Variants in PARP8 observed in about 807,000 individuals in gnomAD.
The protein encoded by PARP8 is protein mono-ADP-ribosyltransferase PARP8.
PARP8 carries 51 observed loss-of-function variants against 124.1 expected under a neutral mutation model. That is an observed-to-expected ratio of 0.41 (90% CI 0.33 to 0.52). The LOEUF (loss-of-function observed/expected upper bound fraction) is 0.52, where lower values mean the gene tolerates loss of function less well. Among genes scored for constraint, PARP8 ranks in the 20% least tolerant of loss-of-function variants. The pLI, the probability that PARP8 is intolerant of heterozygous loss-of-function variation, is 0.21. For missense variants in PARP8, 860 were observed against 1,018.9 expected, an observed-to-expected ratio of 0.84 and a Z score of 2.12; for synonymous variants, 391 against 361.5, an observed-to-expected ratio of 1.08 and a Z score of -0.93.
rs767690474 is a variant in PARP8 at position 50,667,174 on chromosome 5, T to C, written c.79T>C (p.Cys27Arg). 30 of 1,596,384 alleles carry C rather than the reference T, an allele frequency of 1.9e-5. No homozygotes were observed. The highest frequency in any genetic ancestry group is 4.5e-4 in the Middle Eastern group (2 of 4,428). Residue 27 changes from cysteine (C) to arginine (R), a missense_variant, in exon 1 of 26, where the codon TGC becomes CGC. By Grantham distance (180) the Cys-to-Arg change is radical. Transcript: ENST00000281631. Reference protein sequence around the residue: ...VIQKSRAEKDCLFADFRYSDS... With the variant: ...VIQKSRAEKDRLFADFRYSDS... ...CCAGAAGTCCAGAGCTGAGAAGGAC[T>C]GCCTGTTTGCAGGTGAGTTCTTGCT...
rs576343923 is a variant in PARP8, at chr5:50,689,659, C to T, written c.146+21534C>T. Among the ~76,000 whole-genome samples, 30 of 152,248 alleles carry T rather than the reference C, an allele frequency of 2.0e-4. No homozygotes were observed. In the South Asian group the frequency reaches 2.5e-3, roughly 13 times the overall value. ...AGGAGTGAAAGGAATATTTGGGGAA[C>T]GTTATCACCCATGCTGTATTTTTCT... On this transcript the variant is annotated intron_variant, in intron 2 of 25. Coordinates refer to ENST00000281631, the MANE Select transcript of PARP8 (RefSeq NM_024615.4).
intron 2 of PARP8, among the ~76,000 whole-genome samples, chr5:50,745,214 G>A (rs1758421734): frequency 6.6e-6 from 1 of 152,188 alleles, no homozygotes; most frequent in Non-Finnish European, 1.5e-5. Context: ...CTAATATCAT[G>A]AGGACAATAC....
chr5:50,815,412 G>T lies in PARP8; in HGVS notation c.1576-20G>T. The stretch of plus-strand genomic sequence containing the variant: ...AGAGTTGGAAAAAAGTTTTGTGATT[G>T]ATTCCTTTTTCTTTTGTAGCCTACC... On this transcript the variant is annotated intron_variant, in intron 14 of 25. Coordinates refer to ENST00000281631, the MANE Select transcript of PARP8 (RefSeq NM_024615.4). The T allele has an allele frequency of 6.5e-7, 1 of 1,530,804 alleles. No individual in the cohort carries two copies. Among genetic ancestry groups the T allele is most frequent in the South Asian group, 1.3e-5 (1 of 79,842 alleles). 94.8% of individuals were successfully genotyped at this position (1,530,804 alleles called of 1,614,324 possible).
intron 22 of PARP8, 51 bp from the exon 23 acceptor site, chr5:50,832,730 G>C (rs774887153): frequency 3.2e-6 from 5 of 1,570,382 alleles, no homozygotes; most frequent in Admixed American, 1.7e-5. Context: ...TGTACTTTCA[G>C]CTGCATCAGA....
chr5:50,835,184 TA>T (rs1747429890), intron 25 of PARP8, among the ~76,000 whole-genome samples, 169 bp downstream of exon 25: 1 of 152,174 alleles, frequency 6.6e-6, no homozygotes, highest in Non-Finnish European at 1.5e-5. Context: ...AAAATCTAAA[TA>T]ATTTTTAAAT....
At chr5:50,689,032 ATTT>A (rs67863550) in intron 2 of PARP8, among the ~76,000 whole-genome samples, 1,765 of 111,260 alleles carry the variant, frequency 0.016, 47 homozygotes, top group African/African-American at 0.053. Flanking sequence ...TTTTTTTTTG[ATTT>A]TTTTTTTTTT....
At position 50,794,964 on chromosome 5, in the gene PARP8, AGTCAAGACTGATGATGTGTGT is replaced by A. The variant is rs1337824351; in HGVS notation, c.980_1000del (p.Lys327_Val333del). 6.2e-7 allele frequency: 1 copy of A among 1,614,234 alleles called. No homozygotes were observed. The highest frequency in any genetic ancestry group is 8.5e-7 in the Non-Finnish European group (1 of 1,180,036). On this transcript the variant is annotated inframe_deletion, in exon 12 of 26. Transcript: ENST00000281631. ...TGCTGCGGAGGACTTGTTCCAGCACAGTCAAGACTGATGATGTGTGTGTCACAAAGTCACACAGGACCTTTG... is the reference window on the plus strand; with the variant it reads ...TGCTGCGGAGGACTTGTTCCAGCACAGTCACAAAGTCACACAGGACCTTTG...
chr5:50,666,916 C>CCTA lies in PARP8; in HGVS notation c.-178_-177insACT, dbSNP rs1749347423. 3 of 1,343,198 alleles carry CCTA rather than the reference C, an allele frequency of 2.2e-6. No homozygotes were observed. Among genetic ancestry groups the CCTA allele is most frequent in the African/African-American group, 1.5e-5 (1 of 65,954 alleles). The allele number at this position is 1,343,198 out of a possible 1,614,324, so 83.2% of individuals were successfully genotyped here. ...AAGCCGACCTCCCCCTCCTCCTCCT[C>CCTA]CTCCCCCTCCTCCTCCTCCTCTTCT... On this transcript the variant is annotated 5_prime_UTR_variant, in exon 1 of 26. Transcript: ENST00000281631.
chr5:50,671,180 T>C (rs1749962675), intron 2 of PARP8, among the ~76,000 whole-genome samples: 2 of 152,352 alleles, frequency 1.3e-5, no homozygotes, highest in South Asian at 4.1e-4. Flanking sequence ...CTTCTGTCTC[T>C]TTCTGTTTTA....
chr5:50,805,638 A>T (rs1290611416), intron 14 of PARP8, among the ~76,000 whole-genome samples: 3 of 143,484 alleles, frequency 2.1e-5, no homozygotes, highest in African/African-American at 8.6e-5. Context: ...TGAAAAGATA[A>T]AACACAAAAC....
intron 14 of PARP8, among the ~76,000 whole-genome samples, chr5:50,812,289 C>A (rs903004852): frequency 2.6e-5 from 4 of 152,190 alleles, no homozygotes; most frequent in African/African-American, 9.6e-5. Flanking sequence ...GCCATTCCAA[C>A]TGGTGTGAGA....
chr5:50,834,071 C>T lies in PARP8; in HGVS notation c.2377+23C>T, dbSNP rs760659826. On this transcript the variant is annotated intron_variant, in intron 24 of 25. Coordinates refer to ENST00000281631, the MANE Select transcript of PARP8 (RefSeq NM_024615.4). ...AAGGTAAGTTGAAAGTTTTACAAAC[C>T]TCATAGTGTTAGTTCCTAGCTCATC... is the stretch of plus-strand genomic sequence containing the variant. 11 of 1,571,092 alleles carry T rather than the reference C, an allele frequency of 7.0e-6. No individual in the cohort carries two copies. The East Asian group carries it at 1.3e-4, about 19-fold the overall frequency.
intron 2 of PARP8, among the ~76,000 whole-genome samples, chr5:50,703,063 G>T (rs1471747690): frequency 6.6e-6 from 1 of 152,124 alleles, no homozygotes; most frequent in Non-Finnish European, 1.5e-5. Context: ...CACTTTGGGA[G>T]GCTGAGGCGG....
At chr5:50,818,054 TTCAG>T (rs1344330669) in intron 15 of PARP8, among the ~76,000 whole-genome samples, 5 of 152,158 alleles carry the variant, frequency 3.3e-5, no homozygotes, top group African/African-American at 7.2e-5. Flanking sequence ...ATTTGTATCA[TTCAG>T]TCAAAGAAGG....
chr5:50,790,232 TATTATATA>T (rs1741793320), intron 10 of PARP8, among the ~76,000 whole-genome samples: 1 of 152,222 alleles, frequency 6.6e-6, no homozygotes, highest in African/African-American at 2.4e-5. Context: ...GTGTTTAGCA[TATTATATA>T]ATGTAGTGTT....
chr5:50,734,338 G>C (rs776325458), intron 2 of PARP8, among the ~76,000 whole-genome samples: 2 of 152,030 alleles, frequency 1.3e-5, no homozygotes, highest in African/African-American at 2.4e-5. Context: ...GAAAAAGAAA[G>C]GGAAAAAAGG....
chr5:50,683,119 A>G (rs949437827), intron 2 of PARP8, among the ~76,000 whole-genome samples: 3 of 152,122 alleles, frequency 2.0e-5, no homozygotes, highest in Non-Finnish European at 2.9e-5. Flanking sequence ...ATGAGTTCCC[A>G]TGGTTAATGC....
In PARP8 at chr5:50,827,330, A is replaced by G. The variant is rs564722505; in HGVS notation, c.1977+527A>G. Among the ~76,000 whole-genome samples the G allele has an allele frequency of 3.1e-4, 47 of 152,256 alleles. No homozygotes were observed. The South Asian group carries it at 3.5e-3, about 11-fold the overall frequency. Reference sequence around the variant, plus strand: ...GTGAATCTCTAAATGTGAGATTCCTATGCATTATATTCCTGCATAACTATA... The same window carrying G: ...GTGAATCTCTAAATGTGAGATTCCTGTGCATTATATTCCTGCATAACTATA... On this transcript the variant is annotated intron_variant, in intron 19 of 25. Coordinates refer to ENST00000281631, the MANE Select transcript of PARP8 (RefSeq NM_024615.4).
intron 2 of PARP8, among the ~76,000 whole-genome samples, chr5:50,748,464 C>T (rs979279504): frequency 3.9e-5 from 6 of 152,066 alleles, no homozygotes; most frequent in Admixed American, 2.0e-4. Flanking sequence ...TTACAGTTTT[C>T]GGTGCTTTTC....
Sources: gnomAD v4.1 joint callset for allele counts (sites outside exome capture counted in the v4.1 genomes callset) on GRCh38, gnomAD v4.1.1 for gene constraint, MANE v1.5 for transcripts, NCBI Gene and HGNC (gene_info 2026-07-23, HGNC 2026-07-21) for gene names.